COG6: variants seen among roughly 807,000 people sequenced by gnomAD.
COG6 encodes the protein component of oligomeric golgi complex 6.
In COG6, 74 loss-of-function variants were observed where a neutral mutation model predicts 88.8. The observed-to-expected ratio is 0.83, with a 90% CI of 0.69 to 1.01. The LOEUF (loss-of-function observed/expected upper bound fraction) is 1.01. COG6 is among the 50% of genes least tolerant of loss of function. The pLI, the probability that COG6 is intolerant of heterozygous loss-of-function variation, is 0.00. For synonymous variants in COG6, 286 were observed against 278.7 expected (o/e 1.03, Z -0.26); for missense variants, 800 against 797.9 (o/e 1.00, Z -0.03).
chr13:39,719,240 A>G lies in COG6; in HGVS notation c.1289A>G (p.Glu430Gly). 1 of 1,612,476 alleles carries G rather than the reference A, an allele frequency of 6.2e-7. No homozygotes were observed. Among genetic ancestry groups the G allele is most frequent in the Non-Finnish European group, 8.5e-7 (1 of 1,178,924 alleles). Reference protein sequence around the residue: ...LHASKLMDKVELPPPDLGPSS... With the variant: ...LHASKLMDKVGLPPPDLGPSS... ...GTAAATCATCTCTTGTTTTAGGTTG[A>G]ACTCCCACCACCTGATCTTGGACCA... is the stretch of plus-strand genomic sequence containing the variant. The change falls in exon 14 of 19, where the codon GAA (glutamate) becomes GGA (glycine). Residue 430 changes from glutamate (E) to glycine (G), a missense_variant. Glu to Gly is a moderately conservative substitution (Grantham distance 98, BLOSUM62 -2). Transcript: ENST00000455146.
At chr13:39,681,570 A>T (rs1042418770) in intron 7 of COG6, among the ~76,000 whole-genome samples, 3 of 152,176 alleles carry the variant, frequency 2.0e-5, no homozygotes, top group African/African-American at 7.2e-5. Context: ...GTATACTGCT[A>T]GTGTGAAGTC....
intron 18 of COG6, among the ~76,000 whole-genome samples, chr13:39,748,977 C>T (rs890063816): frequency 6.6e-6 from 1 of 152,068 alleles, no homozygotes; most frequent in Non-Finnish European, 1.5e-5. Context: ...TTATTCTATC[C>T]ATTATTATCA....
At chr13:39,749,586 T>G (rs1054608192) in intron 18 of COG6, among the ~76,000 whole-genome samples, 1 of 152,134 alleles carries the variant, frequency 6.6e-6, no homozygotes, top group Non-Finnish European at 1.5e-5. Context: ...CCATGGACAT[T>G]CCACAAAGGA....
chr13:39,769,642 G>A (rs965655951), intron 18 of COG6, among the ~76,000 whole-genome samples: 1 of 152,100 alleles, frequency 6.6e-6, no homozygotes, highest in Non-Finnish European at 1.5e-5. Context: ...GGAAATAGTC[G>A]AATACAGTAC....
Position 39,724,506 on chromosome 13 carries a change from A to G in COG6, c.1693-2A>G, listed in dbSNP as rs868220575. 4 of 1,428,400 alleles carry G rather than the reference A, an allele frequency of 2.8e-6. No individual in the cohort carries two copies. The highest frequency in any genetic ancestry group is 3.9e-6 in the Non-Finnish European group (4 of 1,034,818). 88.5% of individuals were successfully genotyped at this position (1,428,400 alleles called of 1,614,324 possible). ...TGCTTTTTTTTTTTTTTTTTTAAAT[A>G]GGGCTCTTTAGCTAATATGCCCAAC... On this transcript the variant is annotated splice_acceptor_variant, in intron 16 of 18. Transcript: ENST00000455146. LOFTEE classifies it high-confidence loss of function.
chr13:39,655,869 A>G lies in COG6; in HGVS notation c.143A>G (p.Asp48Gly). The G allele has an allele frequency of 6.2e-7, 1 of 1,607,230 alleles. No homozygotes were observed. The highest frequency in any genetic ancestry group is 8.5e-7 in the Non-Finnish European group (1 of 1,177,946). Residue 48 changes from aspartate (D) to glycine (G), a missense_variant, in exon 1 of 19, where the codon GAC becomes GGC. Transcript: ENST00000455146. ...CATAAGATCCTGGAGACGCGGCTGG[A>G]CAACGACAAGGTAACCGGGGCTGGC... Reference protein sequence around the residue: ...KLHKILETRLDNDKEMLEALK... With the variant: ...KLHKILETRLGNDKEMLEALK...
intron 18 of COG6, among the ~76,000 whole-genome samples, chr13:39,748,636 C>T (rs1270828416): frequency 6.6e-6 from 1 of 151,718 alleles, no homozygotes. Flanking sequence ...AAAAAAAAAT[C>T]CCCAAGCCTC....
chr13:39,669,335 A>G (rs1198553195), intron 4 of COG6, among the ~76,000 whole-genome samples: 2 of 152,226 alleles, frequency 1.3e-5, no homozygotes, highest in Non-Finnish European at 2.9e-5. Flanking sequence ...GAAAATTGTG[A>G]TTAAAACTAA....
At chr13:39,772,498 C>T (rs568381379) in intron 18 of COG6, among the ~76,000 whole-genome samples, 1 of 152,292 alleles carries the variant, frequency 6.6e-6, no homozygotes, top group African/African-American at 2.4e-5. Context: ...CTGGATCTTT[C>T]TCATCTTTGT....
intron 18 of COG6, among the ~76,000 whole-genome samples, chr13:39,780,880 T>C (rs1459637322): frequency 6.6e-6 from 1 of 152,236 alleles, no homozygotes; most frequent in East Asian, 1.9e-4. Flanking sequence ...TGTGCACAGA[T>C]GCGTGGCTGT....
intron 15 of COG6, among the ~76,000 whole-genome samples, chr13:39,722,308 T>C (rs1278938701): frequency 1.3e-5 from 2 of 149,428 alleles, no homozygotes; most frequent in Non-Finnish European, 3.0e-5. Flanking sequence ...TGGGCATTTA[T>C]TTAAAAAAAA....
In COG6 at chr13:39,744,424, A is replaced by G. The variant is rs547616393; in HGVS notation, c.1827-6522A>G. Among the ~76,000 whole-genome samples the G allele has an allele frequency of 2.6e-5, 4 of 152,352 alleles. No homozygotes were observed. The South Asian group carries it at 6.2e-4, about 24-fold the overall frequency. On this transcript the variant is annotated intron_variant, in intron 18 of 18. Transcript: ENST00000455146. Reference sequence around the variant, plus strand: ...AGCAAAGTCTCAGGATACAAAATCAATGTGCAAAAATCACAAGCATTCCTA... The same window carrying G: ...AGCAAAGTCTCAGGATACAAAATCAGTGTGCAAAAATCACAAGCATTCCTA...
intron 18 of COG6, among the ~76,000 whole-genome samples, chr13:39,787,725 G>GA (rs1184042121): frequency 6.6e-6 from 1 of 151,800 alleles, no homozygotes; most frequent in Non-Finnish European, 1.5e-5. Flanking sequence ...AAATATTTGG[G>GA]AAAAAAACAA....
intron 18 of COG6, among the ~76,000 whole-genome samples, chr13:39,762,249 G>C (rs1239845271): frequency 3.3e-5 from 5 of 151,864 alleles, no homozygotes; most frequent in Admixed American, 1.3e-4. Context: ...TATATTTAGT[G>C]AAATAAGCCA....
intron 18 of COG6, among the ~76,000 whole-genome samples, chr13:39,764,523 A>G (rs1181560320): frequency 3.3e-5 from 5 of 151,838 alleles, no homozygotes; most frequent in African/African-American, 1.2e-4. Flanking sequence ...CTGTGTTTCC[A>G]TCTAAGCACA....
At chr13:39,780,505 C>T (rs963757862) in intron 18 of COG6, among the ~76,000 whole-genome samples, 2 of 152,172 alleles carry the variant, frequency 1.3e-5, no homozygotes, top group African/African-American at 4.8e-5. Context: ...CTATTTTTGG[C>T]CTAATATCCA....
chr13:39,707,497 C>CAT (rs1195808328), intron 13 of COG6, among the ~76,000 whole-genome samples: 1 of 152,168 alleles, frequency 6.6e-6, no homozygotes, highest in Non-Finnish European at 1.5e-5. Flanking sequence ...TTTGTATTTG[C>CAT]ATATGCTCAT....
At chr13:39,728,027 C>T (rs1371223931) in intron 18 of COG6, among the ~76,000 whole-genome samples, 1 of 151,976 alleles carries the variant, frequency 6.6e-6, no homozygotes, top group Non-Finnish European at 1.5e-5. Context: ...TAGAATATAA[C>T]AATTAGAAGA....
Position 39,658,251 on chromosome 13 carries a change from C to T in COG6, c.154-1113C>T, listed in dbSNP as rs1318053476. Among the ~76,000 whole-genome samples, 5 of 151,836 alleles carry T rather than the reference C, an allele frequency of 3.3e-5. 1 individual carries two copies. Among genetic ancestry groups the T allele is most frequent in the Non-Finnish European group, 7.4e-5 (5 of 67,990 alleles). ...CTTGATCTTGCTGGCTCAAGCGATCCTCCTGCCACAGCCTCCCAGGTAGCT... is the reference window on the plus strand; with the variant it reads ...CTTGATCTTGCTGGCTCAAGCGATCTTCCTGCCACAGCCTCCCAGGTAGCT... On this transcript the variant is annotated intron_variant, in intron 1 of 18. Transcript: ENST00000455146.
Sources: allele counts gnomAD v4.1 joint callset (sites outside exome capture counted in the v4.1 genomes callset), GRCh38; gene constraint gnomAD v4.1.1; transcripts MANE v1.5; gene names NCBI Gene and HGNC (gene_info 2026-07-23, HGNC 2026-07-21).